Variants in LY96 observed in about 807,000 individuals in gnomAD.
LY96 encodes the protein lymphocyte antigen 96, also known as myeloid differentiation protein-2.
LY96 carries 18 observed loss-of-function variants against 18.9 expected under a neutral mutation model. The observed-to-expected ratio is 0.95, with a 90% CI of 0.66 to 1.41. LY96 has a LOEUF of 1.41. LY96 is among the 40% of genes most tolerant of loss of function. The probability of loss-of-function intolerance (pLI) is 0.00; values close to 1 mark genes in which losing one functional copy is unlikely to be tolerated. For synonymous variants in LY96, 66 were observed against 62.6 expected (o/e 1.06, Z -0.26); for missense variants, 175 against 182.4 (o/e 0.96, Z 0.23).
chr8:74,092,079 T>A, the LY96 span, among the ~76,000 whole-genome samples: 2 of 152,198 alleles, frequency 1.3e-5, no homozygotes, highest in South Asian at 4.1e-4. Flanking sequence ...GCCTAAAAGC[T>A]CCCTATAGTC....
At chr8:74,013,147 T>A (rs1188353192) in intron 3 of LY96, among the ~76,000 whole-genome samples, 1 of 151,324 alleles carries the variant, frequency 6.6e-6, no homozygotes, top group Non-Finnish European at 1.5e-5. Context: ...TTTTTTGGAG[T>A]CAGAATCTCA....
chr8:74,094,441 AC>A, the LY96 span, among the ~76,000 whole-genome samples: 1 of 151,876 alleles, frequency 6.6e-6, no homozygotes, highest in South Asian at 2.1e-4. Flanking sequence ...GATATTTGAA[AC>A]CCTTTATGTT....
chr8:73,997,149 G>A (rs1484510605), intron 1 of LY96, among the ~76,000 whole-genome samples: 1 of 152,204 alleles, frequency 6.6e-6, no homozygotes, highest in Non-Finnish European at 1.5e-5. Flanking sequence ...GAGCCACCGT[G>A]TCCGGCCTTA....
At chr8:74,011,368 C>G (rs1358395472) in intron 3 of LY96, among the ~76,000 whole-genome samples, 3 of 152,060 alleles carry the variant, frequency 2.0e-5, no homozygotes, top group Admixed American at 6.6e-5. Context: ...GCAATAAAGA[C>G]AAAAGTAGAC....
At chr8:74,041,714 C>G in the LY96 span, among the ~76,000 whole-genome samples, 1 of 152,168 alleles carries the variant, frequency 6.6e-6, no homozygotes, top group Non-Finnish European at 1.5e-5. Context: ...AAACCCCCCC[C>G]ACCACTAGTA....
chr8:74,034,716 G>T, the LY96 span, among the ~76,000 whole-genome samples: 1 of 152,118 alleles, frequency 6.6e-6, no homozygotes, highest in Non-Finnish European at 1.5e-5. Flanking sequence ...GCATCACACT[G>T]GGTCCAATTT....
At chr8:74,056,023 A>T in the LY96 span, 1 of 155,222 alleles carries the variant, frequency 6.4e-6, no homozygotes, top group Non-Finnish European at 1.4e-5. Flanking sequence ...TTGGTAGAAC[A>T]CTAGTCCCAG....
the LY96 span, among the ~76,000 whole-genome samples, chr8:74,068,089 A>AATATATAT: frequency 7.8e-4 from 53 of 67,934 alleles, 5 homozygotes; most frequent in African/African-American, 3.7e-3. Flanking sequence ...AAAAAAAAAA[A>AATATATAT]ATATATATAT....
the LY96 span, among the ~76,000 whole-genome samples, chr8:74,083,447 C>T: frequency 1.3e-5 from 2 of 152,170 alleles, no homozygotes; most frequent in Admixed American, 6.5e-5. Context: ...AACTCCTGAC[C>T]TTGTGATCCA....
At chr8:74,055,698 A>G in the LY96 span, among the ~76,000 whole-genome samples, 1 of 152,208 alleles carries the variant, frequency 6.6e-6, no homozygotes, top group African/African-American at 2.4e-5. Context: ...AGGTGGCACA[A>G]TCTAATCACA....
intron 3 of LY96, among the ~76,000 whole-genome samples, chr8:74,016,421 C>A (rs2131274418): frequency 6.6e-6 from 1 of 152,358 alleles, no homozygotes; most frequent in African/African-American, 2.4e-5. Context: ...GTAGACTCCA[C>A]CTCTGGGGGC....
the LY96 span, among the ~76,000 whole-genome samples, chr8:74,040,783 A>G: frequency 6.8e-6 from 1 of 146,534 alleles, no homozygotes; most frequent in East Asian, 2.0e-4. Flanking sequence ...GCTCACTGCA[A>G]CCTCTACCTC....
intron 3 of LY96, among the ~76,000 whole-genome samples, chr8:74,016,984 G>C (rs533000155): frequency 6.6e-6 from 1 of 152,340 alleles, no homozygotes; most frequent in African/African-American, 2.4e-5. Flanking sequence ...CTAAAAACCA[G>C]AGTGTCTCTT....
intron 3 of LY96, among the ~76,000 whole-genome samples, chr8:74,019,987 A>C (rs1387815966): frequency 6.6e-6 from 1 of 152,214 alleles, no homozygotes; most frequent in Non-Finnish European, 1.5e-5. Context: ...AAAAACTGAA[A>C]GCATTCCCTT....
chr8:74,029,466 C>T (rs527342134), downstream of LY96, among the ~76,000 whole-genome samples: 1 of 152,236 alleles, frequency 6.6e-6, no homozygotes, highest in Admixed American at 6.5e-5. Context: ...CCATGCTGTT[C>T]TCATGATAGT....
the LY96 span, among the ~76,000 whole-genome samples, chr8:74,078,596 C>G: frequency 6.6e-6 from 1 of 152,138 alleles, no homozygotes; most frequent in Non-Finnish European, 1.5e-5. Context: ...CACTGGGTCA[C>G]TGGAGTTCAA....
chr8:74,005,146 G>A (rs1198536061), intron 2 of LY96, among the ~76,000 whole-genome samples: 1 of 152,160 alleles, frequency 6.6e-6, no homozygotes, highest in Non-Finnish European at 1.5e-5. Context: ...AGTCCCTTCT[G>A]AGGCTCAACT....
chr8:74,037,402 G>A, the LY96 span, among the ~76,000 whole-genome samples: 2 of 152,154 alleles, frequency 1.3e-5, no homozygotes, highest in Admixed American at 6.5e-5. Context: ...GCTGAGGTGG[G>A]AGAATTGCTT....
At chr8:74,054,246 C>T in the LY96 span, among the ~76,000 whole-genome samples, 2 of 152,102 alleles carry the variant, frequency 1.3e-5, no homozygotes, top group African/African-American at 4.8e-5. Flanking sequence ...AGGTTAGTCT[C>T]AAACTCCTGG....
Sources: allele counts gnomAD v4.1 joint callset (sites outside exome capture counted in the v4.1 genomes callset), GRCh38; gene constraint gnomAD v4.1.1; transcripts MANE v1.5; gene names NCBI Gene and HGNC (gene_info 2026-07-23, HGNC 2026-07-21).